ARHGAP30: variants seen among roughly 807,000 people sequenced by gnomAD.
The protein encoded by ARHGAP30 is rho GTPase-activating protein 30.
Under a neutral mutation model 72.0 loss-of-function variants are expected in ARHGAP30, and 23 were observed. The ratio of observed to expected loss-of-function variants is 0.32; its 90% confidence interval spans 0.23 to 0.45. The LOEUF (loss-of-function observed/expected upper bound fraction) is 0.45, where lower values mean the gene tolerates loss of function less well. ARHGAP30 is among the 20% of genes least tolerant of loss of function. The pLI is 1.00. For missense variants in ARHGAP30, 1,319 were observed against 1,383.4 expected (o/e 0.95, Z 0.74); for synonymous variants, 576 against 528.2 (o/e 1.09, Z -1.24).
Position 161,069,872 on chromosome 1 carries a change from C to T in ARHGAP30, c.-248G>A, listed in dbSNP as rs964368705. ...TGGCAAGAAATTGTGTCCTGTGTCT[C>T]GTGGCCCAGCCTGGCACTCGCCCTC... On this transcript the variant is annotated 5_prime_UTR_variant, in exon 1 of 12. Transcript: ENST00000368013. This position sits in a 1 kb window ranked among gnomAD's most constrained non-coding sequence, Gnocchi z 4.9. 20 of 550,912 alleles carry T rather than the reference C, an allele frequency of 3.6e-5. No individual in the cohort carries two copies. The highest frequency in any genetic ancestry group is 1.1e-4 in the South Asian group (5 of 45,862). The allele number at this position is 550,912 out of a possible 1,614,324, so 34.1% of individuals were successfully genotyped here.
chr1:161,069,243 C>A lies in ARHGAP30; in HGVS notation c.97+285G>T, dbSNP rs908022676. Reference sequence around the variant, plus strand: ...GCCCGCTGTTTCATCCACTCCTCCTCGGTTTCCAGTCTCTCCATCCTCCCC... The same window carrying A: ...GCCCGCTGTTTCATCCACTCCTCCTAGGTTTCCAGTCTCTCCATCCTCCCC... On this transcript the variant is annotated intron_variant, in intron 1 of 11. Transcript: ENST00000368013. This position sits in a 1 kb window ranked among gnomAD's most constrained non-coding sequence, Gnocchi z 4.9. Among the ~76,000 whole-genome samples, 1 of 152,240 alleles carries A rather than the reference C, an allele frequency of 6.6e-6. No homozygotes were observed. Among genetic ancestry groups the A allele is most frequent in the African/African-American group, 2.4e-5 (1 of 41,528 alleles).
At chr1:161,064,831 GAGAAA>G (rs1652623330) in intron 1 of ARHGAP30, among the ~76,000 whole-genome samples, 2 of 73,890 alleles carry the variant, frequency 2.7e-5, no homozygotes, top group East Asian at 5.6e-4. Context: ...AAGAAAGAAA[GAGAAA>G]GAAAGAAAGA....
At chr1:161,056,277 C>A in intron 3 of ARHGAP30, 111 bp downstream of exon 3, 1 of 1,423,202 alleles carries the variant, frequency 7.0e-7, no homozygotes, top group East Asian at 2.5e-5. Context: ...TCTGTGGTCT[C>A]TGTCATTCAG....
intron 1 of ARHGAP30, 65 bp from the exon 2 acceptor site, chr1:161,059,781 G>A: frequency 1.4e-6 from 2 of 1,391,168 alleles, no homozygotes; most frequent in Non-Finnish European, 2.0e-6. Flanking sequence ...GACTGCACTG[G>A]GTCTGAGAAA....
chr1:161,051,941 C>T (rs952418342), intron 9 of ARHGAP30, among the ~76,000 whole-genome samples: 1 of 151,598 alleles, frequency 6.6e-6, no homozygotes, highest in South Asian at 2.1e-4. Context: ...CCCTTCCTTC[C>T]CTGCAGATAC....
chr1:161,065,767 A>G (rs779151044), intron 1 of ARHGAP30, among the ~76,000 whole-genome samples: 1 of 151,940 alleles, frequency 6.6e-6, no homozygotes, highest in African/African-American at 2.4e-5. Flanking sequence ...GAGTTTCTCC[A>G]TGTTGGTCAG....
intron 1 of ARHGAP30, among the ~76,000 whole-genome samples, chr1:161,062,800 T>C (rs1156433747): frequency 6.6e-6 from 1 of 152,022 alleles, no homozygotes; most frequent in East Asian, 1.9e-4. Context: ...ATCTATATTA[T>C]AATTCGCCAC....
rs1557919205 is a variant in ARHGAP30 at position 161,051,317 on chromosome 1, G to GGGGGCCAGGGCCAAGGCC, written c.1399_1416dup (p.Gly467_Pro472dup). The GGGGGCCAGGGCCAAGGCC allele has an allele frequency of 3.1e-6, 5 of 1,595,862 alleles. No individual in the cohort carries two copies. Among genetic ancestry groups the GGGGGCCAGGGCCAAGGCC allele is most frequent in the Admixed American group, 1.7e-5 (1 of 58,370 alleles). On this transcript the variant is annotated inframe_insertion, in exon 10 of 12. Coordinates refer to ENST00000368013, the MANE Select transcript of ARHGAP30 (RefSeq NM_001025598.2). ...TGGTCAATCAATGGGTCCTCACCTGGGGGGCCAGGGCCAAGGCCAGGGCCA... is the reference window on the plus strand; with the variant it reads ...TGGTCAATCAATGGGTCCTCACCTGGGGGGCCAGGGCCAAGGCCGGGGCCAGGGCCAAGGCCAGGGCCA...
At chr1:161,064,779 A>AAGAAAGAAAAG (rs1306731099) in intron 1 of ARHGAP30, among the ~76,000 whole-genome samples, 1 of 98,068 alleles carries the variant, frequency 1.0e-5, no homozygotes, top group Non-Finnish European at 2.1e-5. Context: ...GAAAGAAAGA[A>AAGAAAGAAAAG]AAAGAAAGAA....
chr1:161,048,624 G>C lies in ARHGAP30; in HGVS notation c.2397C>G (p.Asp799Glu). ...GGTACCCCTTCTCCCTCTGTCCTTT[G>C]TCCTCATCCTCTCTGACTCCCTCAG... is the stretch of plus-strand genomic sequence containing the variant. ...QEAEGVREDE[D>E]KGQREKGYHE... is the part of the protein sequence containing the mutation. The change falls in exon 12 of 12, where the codon GAC becomes GAG. Residue 799 changes from aspartate to glutamate, a missense_variant. Asp to Glu is a conservative substitution (Grantham distance 45, BLOSUM62 2). Transcript: ENST00000368013. 1 of 1,613,672 alleles carries C rather than the reference G, an allele frequency of 6.2e-7. No homozygotes were observed. The highest frequency in any genetic ancestry group is 1.3e-5 in the African/African-American group (1 of 74,828).
intron 9 of ARHGAP30, 136 bp from the exon 10 acceptor site, chr1:161,051,851 GCTT>G (rs1285941467): frequency 2.1e-6 from 3 of 1,426,918 alleles, no homozygotes; most frequent in African/African-American, 1.4e-5. Flanking sequence ...ACCAGGCCCA[GCTT>G]CTTTTGATCA....
At chr1:161,066,001 A>C (rs1240929546) in intron 1 of ARHGAP30, among the ~76,000 whole-genome samples, 1 of 151,492 alleles carries the variant, frequency 6.6e-6, no homozygotes, top group East Asian at 1.9e-4. Flanking sequence ...AGTAGCTGGG[A>C]CTACAGGCGC....
At chr1:161,052,965 AAG>A in intron 6 of ARHGAP30, 168 bp from the exon 7 acceptor site, 1 of 978,686 alleles carries the variant, frequency 1.0e-6, no homozygotes, top group Admixed American at 2.9e-5. Context: ...CTCATGGACA[AAG>A]AGGGCTGGGA....
At chr1:161,064,847 A>C (rs535412603) in intron 1 of ARHGAP30, among the ~76,000 whole-genome samples, 1 of 77,186 alleles carries the variant, frequency 1.3e-5, no homozygotes, top group South Asian at 3.4e-4. Flanking sequence ...GAAAGAAAGA[A>C]AGGAAAGGAA....
chr1:161,064,815 GAAA>G (rs1652601469), intron 1 of ARHGAP30, among the ~76,000 whole-genome samples: 1 of 60,982 alleles, frequency 1.6e-5, no homozygotes, highest in Admixed American at 1.7e-4. Context: ...AAGAAAGAAA[GAAA>G]GAAAGAAAGA....
rs748364664 is a variant in ARHGAP30, at chr1:161,049,192, A to G, written c.1829T>C (p.Leu610Pro). ...VEEENGEEVFLSAYDDLSPLL... is the reference protein window; with the variant it reads ...VEEENGEEVFPSAYDDLSPLL... ...GGGACTTAGGTCATCATAGGCACTC[A>G]GGAAAACTTCCTCCCCATTTTCCTC... is the stretch of plus-strand genomic sequence containing the variant. The change falls in exon 12 of 12, where the codon CTG (leucine) becomes CCG (proline). Residue 610 changes from leucine (L) to proline (P), a missense_variant. Physicochemically the swap from Leu to Pro is moderately conservative, Grantham distance 98. Transcript: ENST00000368013. The G allele has an allele frequency of 2.5e-6, 4 of 1,614,154 alleles. No homozygotes were observed. In the South Asian group the frequency reaches 4.4e-5, roughly 18 times the overall value.
At position 161,048,555 on chromosome 1, in the gene ARHGAP30, G is replaced by A. The variant is rs1241400487; in HGVS notation, c.2466C>T (p.Ser822=). 1.9e-6 allele frequency: 3 copies of A among 1,613,852 alleles called. No homozygotes were observed. Among genetic ancestry groups the A allele is most frequent in the South Asian group, 1.1e-5 (1 of 91,076 alleles). Residue 822 remains serine, a synonymous_variant, in exon 12 of 12, where the codon AGC becomes AGT. Coordinates refer to ENST00000368013, the MANE Select transcript of ARHGAP30 (RefSeq NM_001025598.2). The part of the protein sequence containing the change: ...KDQGDGEDSR[S]PEAATEGGAG... ...CTCCTCCTTCAGTTGCTGCTTCTGG[G>A]CTTCTGCTGTCTTCACCATCTCCTT...
intron 5 of ARHGAP30, among the ~76,000 whole-genome samples, chr1:161,054,073 CA>C (rs1050505255): frequency 6.6e-6 from 1 of 152,024 alleles, no homozygotes; most frequent in African/African-American, 2.4e-5. Flanking sequence ...GTCTCAAAAA[CA>C]AACAAAAAAT....
At chr1:161,053,064 C>T in intron 6 of ARHGAP30, 194 bp downstream of exon 6, 1 of 928,300 alleles carries the variant, frequency 1.1e-6, no homozygotes, top group South Asian at 1.8e-5. Flanking sequence ...AGAGGTCAAG[C>T]CATGCCCTAG....
Sources: allele counts gnomAD v4.1 joint callset (sites outside exome capture counted in the v4.1 genomes callset), GRCh38; gene constraint gnomAD v4.1.1; non-coding constraint Gnocchi (gnomAD v3.1); transcripts MANE v1.5; gene names NCBI Gene and HGNC (gene_info 2026-07-23, HGNC 2026-07-21).